TASOR2: variants seen among roughly 807,000 people sequenced by gnomAD.
The protein encoded by TASOR2 is transcription activation suppressor family member 2.
In TASOR2, 84 loss-of-function variants were observed where a neutral mutation model predicts 199.5. That is an observed-to-expected ratio of 0.42 (90% CI 0.35 to 0.50). The LOEUF is 0.50. Ranked by LOEUF, TASOR2 falls within the 20% of genes least tolerant of loss-of-function variation. TASOR2 has a pLI of 0.02. For missense variants in TASOR2, 2,796 were observed against 2,835.9 expected, an observed-to-expected ratio of 0.99 and a Z score of 0.32; for synonymous variants, 1,103 against 1,046.6, an observed-to-expected ratio of 1.05 and a Z score of -1.04.
At chr10:5,749,433 C>G in exon 15 of TASOR2, 2 of 1,614,222 alleles carry the variant, frequency 1.2e-6, no homozygotes, top group South Asian at 1.1e-5. Flanking sequence ...CTGCCAATGT[C>G]TTTCCAAAGG....
Position 5,698,450 on chromosome 10 carries a change from AAAAG to A in TASOR2, c.-288+13277_-288+13280del, listed in dbSNP as rs1334857388. Among the ~76,000 whole-genome samples, 1 of 152,250 alleles carries A rather than the reference AAAAG, an allele frequency of 6.6e-6. No individual in the cohort carries two copies. The highest frequency in any genetic ancestry group is 1.5e-5 in the Non-Finnish European group (1 of 68,038). Reference sequence around the variant, plus strand: ...GAACAGTTATATGATTAAAAATAAAAAAAGAGAGAGAAAAACCACAATTTTCTAC... The same window carrying A: ...GAACAGTTATATGATTAAAAATAAAAAGAGAGAAAAACCACAATTTTCTAC... On this transcript the variant is annotated intron_variant, in intron 1 of 20. Coordinates refer to ENST00000328090, the Ensembl canonical transcript of TASOR2. This position sits in a 1 kb window ranked among gnomAD's most constrained non-coding sequence, Gnocchi z 4.4.
chr10:5,747,713 A>G, exon 15 of TASOR2: 2 of 1,614,230 alleles, frequency 1.2e-6, no homozygotes, highest in South Asian at 1.1e-5. Flanking sequence ...CATGGTACAC[A>G]GTGTGAGAAG....
At chr10:5,696,466 C>G (rs575889542) in intron 1 of TASOR2, among the ~76,000 whole-genome samples, 8 of 152,186 alleles carry the variant, frequency 5.3e-5, no homozygotes, top group Non-Finnish European at 7.3e-5. Flanking sequence ...AAGCCATCCT[C>G]CCACCTCAGC....
chr10:5,762,680 A>G, intron 20 of TASOR2, 34 bp downstream of exon 21: 1 of 1,011,466 alleles, frequency 9.9e-7, no homozygotes. Flanking sequence ...TTCCCATGTG[A>G]GTTGGAGTTG....
Position 5,740,868 on chromosome 10 carries a change from T to G in TASOR2, c.2327+371T>G, listed in dbSNP as rs1000938152. The stretch of plus-strand genomic sequence containing the variant: ...AGACTGAATTCCAGAAGAAACATTT[T>G]AAAAATCACTGTAGCTTGGTAAATT... On this transcript the variant is annotated intron_variant, in intron 13 of 20. Coordinates refer to ENST00000328090, the Ensembl canonical transcript of TASOR2. The surrounding 1 kb of genome is among the most constrained non-coding windows in gnomAD (Gnocchi z 5.3). 2.6e-5 allele frequency among the ~76,000 whole-genome samples: 4 copies of G among 152,238 alleles called. No homozygotes were observed. Among genetic ancestry groups the G allele is most frequent in the African/African-American group, 9.6e-5 (4 of 41,468 alleles).
chr10:5,748,589 T>A lies in TASOR2; in HGVS notation c.5168T>A (p.Leu1723Gln). Reference sequence around the variant, plus strand: ...CCTCAGTCCAACACCACATCTTCTCTAAAAGGTGAACGCAAAGCCATCCAC... The same window carrying A: ...CCTCAGTCCAACACCACATCTTCTCAAAAAGGTGAACGCAAAGCCATCCAC... Residue 1723 changes from leucine (L) to glutamine (Q), a missense_variant, in exon 15 of 21, where the codon CTA (leucine) becomes CAA (glutamine). Physicochemically the swap from Leu to Gln is moderately radical, Grantham distance 113. Around this residue, in one of 3 missense-constraint regions of TASOR2, gnomAD observed 1,941 missense variants for 1,924.9 expected, o/e 1.01. Coordinates refer to ENST00000328090, the Ensembl canonical transcript of TASOR2. The surrounding 1 kb of genome is among the most constrained non-coding windows in gnomAD (Gnocchi z 5.1). 6.2e-7 allele frequency: 1 copy of A among 1,613,730 alleles called. No homozygotes were observed. Among genetic ancestry groups the A allele is most frequent in the East Asian group, 2.2e-5 (1 of 44,892 alleles).
intron 1 of TASOR2, among the ~76,000 whole-genome samples, chr10:5,702,741 G>A (rs913424395): frequency 3.5e-5 from 5 of 144,566 alleles, no homozygotes; most frequent in Non-Finnish European, 6.0e-5. Flanking sequence ...AACCGATTCC[G>A]TAGAATACAT....
rs781321125 is a variant in TASOR2, at chr10:5,751,557, G to T, written c.6606+1530G>T. Among the ~76,000 whole-genome samples the T allele has an allele frequency of 6.6e-6, 1 of 152,204 alleles. No individual in the cohort carries two copies. The highest frequency in any genetic ancestry group is 1.5e-5 in the Non-Finnish European group (1 of 68,042). Reference sequence around the variant, plus strand: ...GGAGTCCCTTTAAGTTGGCTTCTGTGTCCTTTTGACAATTCGCCATAATTC... The same window carrying T: ...GGAGTCCCTTTAAGTTGGCTTCTGTTTCCTTTTGACAATTCGCCATAATTC... On this transcript the variant is annotated intron_variant, in intron 15 of 20. Coordinates refer to ENST00000328090, the Ensembl canonical transcript of TASOR2. This position sits in a 1 kb window ranked among gnomAD's most constrained non-coding sequence, Gnocchi z 5.3.
chr10:5,707,705 C>T (rs1006194267), intron 1 of TASOR2, among the ~76,000 whole-genome samples: 2 of 147,310 alleles, frequency 1.4e-5, no homozygotes, highest in Non-Finnish European at 3.0e-5. Context: ...CACACACATA[C>T]TCACTCTCCC....
chr10:5,686,715 G>T (rs1835854285), intron 1 of TASOR2, among the ~76,000 whole-genome samples: 1 of 152,190 alleles, frequency 6.6e-6, no homozygotes, highest in South Asian at 2.1e-4. Flanking sequence ...CCTAGTAATT[G>T]AAAGTAACAT....
At chr10:5,717,568 A>G in intron 2 of TASOR2, 91 bp from the exon 4 acceptor site, 1 of 461,840 alleles carries the variant, frequency 2.2e-6, no homozygotes, top group East Asian at 3.6e-5. Context: ...CAACTATCAC[A>G]GTAGCTTTCT....
At chr10:5,728,813 C>T (rs1345660443) in intron 10 of TASOR2, among the ~76,000 whole-genome samples, 8 of 152,178 alleles carry the variant, frequency 5.3e-5, no homozygotes, top group South Asian at 2.1e-4. Context: ...AATAAGTACT[C>T]CTATAACGAT....
Position 5,748,921 on chromosome 10 carries a change from C to A in TASOR2, c.5500C>A (p.Leu1834Met). The change falls in exon 15 of 21, where the codon CTG becomes ATG. Residue 1834 changes from leucine to methionine, a missense_variant. By Grantham distance (15) the Leu-to-Met change is conservative. Coordinates refer to ENST00000328090, the Ensembl canonical transcript of TASOR2. This position sits in a 1 kb window ranked among gnomAD's most constrained non-coding sequence, Gnocchi z 5.1. The stretch of plus-strand genomic sequence containing the variant: ...ACTCTCTGGAGATTCTGATCTAGAC[C>A]TGCTTGGTGATTGTAGAAATCCCAG... 6.2e-7 allele frequency: 1 copy of A among 1,614,058 alleles called. No homozygotes were observed. Among genetic ancestry groups the A allele is most frequent in the South Asian group, 1.1e-5 (1 of 91,070 alleles).
rs1833140687 is a variant in TASOR2, at chr10:5,719,854, A to G, written c.-99-690A>G. ...TGATCATAGTTCAGATTGGAAACTC[A>G]TCTTTTGAAATTTTAGATTTTGTCC... On this transcript the variant is annotated intron_variant, in intron 3 of 20. Transcript: ENST00000328090. This position sits in a 1 kb window ranked among gnomAD's most constrained non-coding sequence, Gnocchi z 4.1. Among the ~76,000 whole-genome samples, 1 of 152,164 alleles carries G rather than the reference A, an allele frequency of 6.6e-6. No individual in the cohort carries two copies. Among genetic ancestry groups the G allele is most frequent in the African/African-American group, 2.4e-5 (1 of 41,432 alleles).
chr10:5,696,142 C>G (rs181875676), intron 1 of TASOR2, among the ~76,000 whole-genome samples: 8 of 152,240 alleles, frequency 5.3e-5, no homozygotes. Flanking sequence ...GAGCGGTTGT[C>G]TTTTTTTGAT....
Position 5,730,825 on chromosome 10 carries a change from A to G in TASOR2, c.826A>G (p.Thr276Ala), listed in dbSNP as rs536963348. 6.3e-5 allele frequency: 101 copies of G among 1,614,204 alleles called. No homozygotes were observed. The highest frequency in any genetic ancestry group is 4.9e-4 in the Middle Eastern group (3 of 6,062). Residue 276 changes from threonine (T) to alanine (A), a missense_variant, in exon 11 of 21, where the codon ACT (threonine) becomes GCT (alanine). By Grantham distance (58) the Thr-to-Ala change is moderately conservative (BLOSUM62 0). Transcript: ENST00000328090. This position sits in a 1 kb window ranked among gnomAD's most constrained non-coding sequence, Gnocchi z 4.1. ...TAGTGCTTACATTTTGGAAGTGTCT[A>G]CTGCTTTGGACTTGCTAGCAGAGCA...
exon 11 of TASOR2, chr10:5,731,044 C>T (rs760709794): frequency 1.9e-6 from 3 of 1,614,038 alleles, no homozygotes; most frequent in Non-Finnish European, 2.5e-6. Context: ...GAGAGTGCAG[C>T]CTAAGAGGAA....
At chr10:5,723,761 T>C in exon 7 of TASOR2, 6 of 1,599,490 alleles carry the variant, frequency 3.8e-6, no homozygotes, top group Non-Finnish European at 5.1e-6. Context: ...GAAAACAGAA[T>C]TACTTGGAGG....
In TASOR2 at chr10:5,750,089, A is replaced by C; in HGVS notation, c.6606+62A>C. 6.7e-7 allele frequency: 1 copy of C among 1,489,184 alleles called. No individual in the cohort carries two copies. The highest frequency in any genetic ancestry group is 8.9e-7 in the Non-Finnish European group (1 of 1,118,840). The allele number at this position is 1,489,184 out of a possible 1,614,324, so 92.2% of individuals were successfully genotyped here. On this transcript the variant is annotated intron_variant, in intron 15 of 20. Transcript: ENST00000328090. This position sits in a 1 kb window ranked among gnomAD's most constrained non-coding sequence, Gnocchi z 5.4. ...TGCTGATTTTAGTTTTAGAAATAAT[A>C]AATTTAGCATATTAGCCATCAAAAA...
Sources: gnomAD v4.1 joint callset for allele counts (sites outside exome capture counted in the v4.1 genomes callset) on GRCh38, gnomAD v4.1.1 for gene constraint, gnomAD v4.1.1 regional missense constraint, Gnocchi (gnomAD v3.1) non-coding constraint, MANE v1.5 for transcripts, NCBI Gene and HGNC (gene_info 2026-07-23, HGNC 2026-07-21) for gene names.